Variants in RBFOX1 observed in about 807,000 individuals in gnomAD.
RBFOX1 encodes RNA binding fox-1 homolog 1.
RBFOX1 carries 8 observed loss-of-function variants against 57.7 expected under a neutral mutation model. The ratio of observed to expected loss-of-function variants is 0.14; its 90% confidence interval spans 0.08 to 0.25. RBFOX1 has a LOEUF of 0.25. RBFOX1 is among the 10% of genes least tolerant of loss of function. The probability of loss-of-function intolerance (pLI) is 1.00; values close to 1 mark genes in which losing one functional copy is unlikely to be tolerated. For synonymous variants in RBFOX1, 326 were observed against 222.4 expected (o/e 1.47, Z -4.15); for missense variants, 611 against 548.5 (o/e 1.11, Z -1.14).
chr16:6,543,153 A>G (rs567747074), intron 2 of RBFOX1, among the ~76,000 whole-genome samples: 1 of 152,258 alleles, frequency 6.6e-6, no homozygotes, highest in South Asian at 2.1e-4. Context: ...GCACATTTGT[A>G]CCCCATCCCT....
In RBFOX1 at chr16:7,056,305, C is replaced by A. The variant is rs8050559; in HGVS notation, c.27+4207C>A. 5.8e-3 allele frequency among the ~76,000 whole-genome samples: 879 copies of A among 152,284 alleles called. 10 individuals carry two copies. The highest frequency in any genetic ancestry group is 0.02 in the African/African-American group (827 of 41,552). On this transcript the variant is annotated intron_variant, in intron 4 of 15. Coordinates refer to ENST00000550418, the MANE Select transcript of RBFOX1 (RefSeq NM_018723.4). ...TACACAACAGGGAAACTTGTTCATT[C>A]CTCCGTCCCAAGGTTTGTCAATCTA...
intron 4 of RBFOX1, among the ~76,000 whole-genome samples, chr16:7,417,528 TTGTGTGTGTGTG>T (rs545621108): frequency 4.4e-5 from 3 of 68,386 alleles, no homozygotes; most frequent in Non-Finnish European, 9.8e-5. Context: ...TCACATGGTA[TTGTGTGTGTGTG>T]TGTGTGTGTG....
intron 2 of RBFOX1, among the ~76,000 whole-genome samples, chr16:6,591,629 G>A (rs914716221): frequency 6.6e-6 from 1 of 152,144 alleles, no homozygotes; most frequent in African/African-American, 2.4e-5. Context: ...CTTTTCTTCA[G>A]TATATCTCTG....
At chr16:7,550,251 C>CT (rs35299614) in intron 5 of RBFOX1, among the ~76,000 whole-genome samples, 114 of 147,740 alleles carry the variant, frequency 7.7e-4, no homozygotes, top group African/African-American at 2.4e-3. Flanking sequence ...CCTCCAGAGT[C>CT]TTTTTTTTTT....
chr16:6,396,243 G>C (rs2092830003), intron 2 of RBFOX1, among the ~76,000 whole-genome samples: 1 of 151,990 alleles, frequency 6.6e-6, no homozygotes, highest in South Asian at 2.1e-4. Context: ...AGAAATTGAA[G>C]GGGCTTTGAC....
At chr16:6,007,400 T>G (rs774211602) in intron 4 of RBFOX1, among the ~76,000 whole-genome samples, 6 of 152,168 alleles carry the variant, frequency 3.9e-5, no homozygotes, top group Non-Finnish European at 8.8e-5. Context: ...AGGAACTGAA[T>G]CCTGCCAGTA....
intron 1 of RBFOX1, among the ~76,000 whole-genome samples, chr16:6,191,124 C>T (rs2097138988): frequency 1.1e-5 from 1 of 93,520 alleles, no homozygotes; most frequent in East Asian, 3.4e-4. Flanking sequence ...AATAATGCGT[C>T]TGTGGTTTTT....
intron 3 of RBFOX1, among the ~76,000 whole-genome samples, chr16:6,862,189 A>G (rs1265392568): frequency 6.6e-6 from 1 of 152,162 alleles, no homozygotes; most frequent in African/African-American, 2.4e-5. Context: ...TGTCATGTTT[A>G]GGGACATAAA....
intron 2 of RBFOX1, among the ~76,000 whole-genome samples, chr16:6,322,068 CTTTG>C (rs1271719246): frequency 6.6e-6 from 1 of 152,154 alleles, no homozygotes; most frequent in Non-Finnish European, 1.5e-5. Context: ...CTAACATTGT[CTTTG>C]TTTTTCATCC....
intron 3 of RBFOX1, among the ~76,000 whole-genome samples, chr16:6,879,155 A>G (rs780202007): frequency 5.9e-5 from 9 of 152,204 alleles, no homozygotes; most frequent in Non-Finnish European, 1.2e-4. Flanking sequence ...ATCATTGACA[A>G]AACGGCTGCA....
chr16:6,946,127 C>A (rs147134223), intron 3 of RBFOX1, among the ~76,000 whole-genome samples: 1 of 152,302 alleles, frequency 6.6e-6, no homozygotes, highest in Non-Finnish European at 1.5e-5. Flanking sequence ...CCCAGTTTTC[C>A]TTGCTTCTCA....
chr16:7,226,793 C>G (rs942667369), intron 4 of RBFOX1, among the ~76,000 whole-genome samples: 4 of 152,168 alleles, frequency 2.6e-5, no homozygotes, highest in Non-Finnish European at 2.9e-5. Context: ...GTATATTCCT[C>G]TTTATAAATA....
At position 7,710,835 on chromosome 16, in the gene RBFOX1, T is replaced by G. The variant is rs1246234765; in HGVS notation, c.*90T>G. On this transcript the variant is annotated 3_prime_UTR_variant, in exon 16 of 16. Transcript: ENST00000550418. ...CAATACATGCAGTAGTACATCATTTTAGCAACTCTAAAAAAAAAAAAAATA... is the reference window on the plus strand; with the variant it reads ...CAATACATGCAGTAGTACATCATTTGAGCAACTCTAAAAAAAAAAAAAATA... 8.0e-6 allele frequency: 9 copies of G among 1,130,972 alleles called. No homozygotes were observed. Among genetic ancestry groups the G allele is most frequent in the Non-Finnish European group, 1.0e-5 (9 of 886,544 alleles). The allele number at this position is 1,130,972 out of a possible 1,614,324, so 70.1% of individuals were successfully genotyped here. A position where few individuals can be genotyped will look rare whatever the true frequency, so the allele number is the denominator to read the frequency against.
At chr16:6,697,285 C>T (rs2061197425) in intron 3 of RBFOX1, among the ~76,000 whole-genome samples, 2 of 152,050 alleles carry the variant, frequency 1.3e-5, no homozygotes, top group African/African-American at 4.8e-5. Context: ...CTTTTCCACC[C>T]ACTGTAGTCA....
intron 2 of RBFOX1, among the ~76,000 whole-genome samples, chr16:6,546,061 A>G (rs954491978): frequency 1.3e-5 from 2 of 152,244 alleles, no homozygotes; most frequent in African/African-American, 4.8e-5. Context: ...ATGAACTATT[A>G]AAAAATCACA....
At chr16:7,604,598 G>C (rs2095208821) in intron 9 of RBFOX1, among the ~76,000 whole-genome samples, 1 of 152,200 alleles carries the variant, frequency 6.6e-6, no homozygotes, top group Non-Finnish European at 1.5e-5. Context: ...TAGGGGGATA[G>C]ACAGATTATA....
intron 3 of RBFOX1, among the ~76,000 whole-genome samples, chr16:6,791,414 A>G (rs185543086): frequency 6.6e-6 from 1 of 152,202 alleles, no homozygotes; most frequent in South Asian, 2.1e-4. Context: ...TGTGAAAATG[A>G]AAGTTCAGGG....
intron 2 of RBFOX1, among the ~76,000 whole-genome samples, chr16:6,395,632 C>T (rs995023464): frequency 7.2e-5 from 11 of 151,988 alleles, no homozygotes; most frequent in African/African-American, 2.7e-4. Flanking sequence ...TGGATTATTG[C>T]ATCTTGGGAA....
chr16:5,282,641 A>G (rs1367452816), intron 1 of RBFOX1, among the ~76,000 whole-genome samples: 3 of 152,142 alleles, frequency 2.0e-5, no homozygotes, highest in Non-Finnish European at 2.9e-5. Context: ...TGCTGTAGAG[A>G]TTTGTGGAAT....
Sources: gnomAD v4.1 joint callset for allele counts (sites outside exome capture counted in the v4.1 genomes callset) on GRCh38, gnomAD v4.1.1 for gene constraint, MANE v1.5 for transcripts, NCBI Gene and HGNC (gene_info 2026-07-23, HGNC 2026-07-21) for gene names.